Variants in NPAS3 observed in about 807,000 individuals in gnomAD.
NPAS3 encodes the protein neuronal PAS domain-containing protein 3.
Under a neutral mutation model 73.1 loss-of-function variants are expected in NPAS3, and 14 were observed. The observed-to-expected ratio is 0.19, with a 90% CI of 0.13 to 0.30. NPAS3 has a LOEUF of 0.30. NPAS3 is among the 10% of genes least tolerant of loss of function. The pLI is 1.00. For synonymous variants in NPAS3, 620 were observed against 541.5 expected (o/e 1.14, Z -2.01); for missense variants, 1,096 against 1,250.0 (o/e 0.88, Z 1.86).
chr14:33,161,712 G>A (rs1012551774), intron 2 of NPAS3, among the ~76,000 whole-genome samples: 12 of 152,238 alleles, frequency 7.9e-5, no homozygotes, highest in Non-Finnish European at 1.3e-4. Flanking sequence ...CGGTACAGGG[G>A]AGAACTGGAA....
intron 4 of NPAS3, among the ~76,000 whole-genome samples, chr14:33,516,146 T>C (rs148126913): frequency 6.6e-6 from 1 of 152,186 alleles, no homozygotes; most frequent in East Asian, 1.9e-4. Flanking sequence ...TTGCCTAAGG[T>C]TACACAGCTA....
At chr14:33,115,320 A>T (rs2043026350) in intron 2 of NPAS3, among the ~76,000 whole-genome samples, 1 of 152,100 alleles carries the variant, frequency 6.6e-6, no homozygotes, top group Non-Finnish European at 1.5e-5. Context: ...ATTAGGAAGG[A>T]GGTAGGTGCA....
intron 5 of NPAS3, among the ~76,000 whole-genome samples, chr14:33,648,614 C>T (rs2058902448): frequency 6.6e-6 from 1 of 152,148 alleles, no homozygotes; most frequent in African/African-American, 2.4e-5. Context: ...CTTACAGGGA[C>T]AGCACAAAAA....
chr14:33,148,807 C>T (rs532475004), intron 2 of NPAS3, among the ~76,000 whole-genome samples: 11 of 152,218 alleles, frequency 7.2e-5, no homozygotes, highest in African/African-American at 2.2e-4. Flanking sequence ...CCCACCTCAG[C>T]GTCCCAAGTA....
chr14:32,968,090 G>A (rs1015121273), intron 1 of NPAS3, among the ~76,000 whole-genome samples: 1 of 152,114 alleles, frequency 6.6e-6, no homozygotes, highest in South Asian at 2.1e-4. Flanking sequence ...GAGACTAGAG[G>A]GGCAGGGGAT....
At chr14:33,216,876 G>A (rs1489767300) in intron 3 of NPAS3, among the ~76,000 whole-genome samples, 6 of 152,058 alleles carry the variant, frequency 3.9e-5, no homozygotes, top group Admixed American at 3.9e-4. Context: ...GAAAAATAAA[G>A]CAAGGCACAT....
intron 2 of NPAS3, among the ~76,000 whole-genome samples, chr14:33,189,078 G>A (rs143109958): frequency 2.4e-4 from 37 of 152,184 alleles, no homozygotes; most frequent in African/African-American, 4.3e-4. Flanking sequence ...TGAATTTATC[G>A]CCTTTCCAAT....
At chr14:33,551,564 T>G (rs2055116632) in intron 4 of NPAS3, among the ~76,000 whole-genome samples, 1 of 152,184 alleles carries the variant, frequency 6.6e-6, no homozygotes, top group African/African-American at 2.4e-5. Context: ...CACATTGACT[T>G]CTATATAAAA....
chr14:33,564,035 T>A (rs528071924), intron 5 of NPAS3, among the ~76,000 whole-genome samples: 23 of 152,232 alleles, frequency 1.5e-4, no homozygotes, highest in Middle Eastern at 3.4e-3. Flanking sequence ...CTCTCCTCTT[T>A]CCACAAAGGA....
intron 6 of NPAS3, among the ~76,000 whole-genome samples, chr14:33,727,373 C>T (rs2061296573): frequency 6.6e-6 from 1 of 151,936 alleles, no homozygotes. Flanking sequence ...CGCTAAACAG[C>T]CTGAAGGATA....
downstream of NPAS3, chr14:33,801,350 G>C: frequency 4.4e-6 from 3 of 674,558 alleles, no homozygotes; most frequent in Non-Finnish European, 7.1e-6. Context: ...CTTCTTCTAA[G>C]GTGTGTGTTG....
chr14:33,323,143 A>C (rs2043533932), intron 3 of NPAS3, among the ~76,000 whole-genome samples: 1 of 152,186 alleles, frequency 6.6e-6, no homozygotes, highest in Admixed American at 6.6e-5. Context: ...AGAATGCTTT[A>C]CAGCACATCA....
chr14:33,161,946 T>C (rs1012508057), intron 2 of NPAS3, among the ~76,000 whole-genome samples: 1 of 152,180 alleles, frequency 6.6e-6, no homozygotes, highest in Non-Finnish European at 1.5e-5. Flanking sequence ...AGCCAGGTCT[T>C]AGAGCTGAGT....
At chr14:33,270,694 G>C (rs1435664417) in intron 3 of NPAS3, among the ~76,000 whole-genome samples, 2 of 152,180 alleles carry the variant, frequency 1.3e-5, no homozygotes, top group East Asian at 3.9e-4. Context: ...TTAAAGAACA[G>C]CTTTGGTTTT....
At chr14:33,726,029 TTC>T (rs914160560) in intron 6 of NPAS3, among the ~76,000 whole-genome samples, 10 of 152,182 alleles carry the variant, frequency 6.6e-5, no homozygotes, top group East Asian at 3.9e-4. Flanking sequence ...TCACCTCTCC[TTC>T]TCTGTTCCTC....
chr14:33,776,512 T>A (rs1346093570), intron 8 of NPAS3, among the ~76,000 whole-genome samples: 1 of 135,502 alleles, frequency 7.4e-6, no homozygotes, highest in Non-Finnish European at 1.5e-5. Flanking sequence ...TTGGCGTTTT[T>A]CTTCCTCTTA....
At chr14:33,219,601 C>T (rs79562772) in intron 3 of NPAS3, among the ~76,000 whole-genome samples, 3 of 152,138 alleles carry the variant, frequency 2.0e-5, no homozygotes, top group African/African-American at 4.8e-5. Context: ...TTCACTATTT[C>T]GGGCATCTAT....
At chr14:33,174,202 C>A (rs2045502271) in intron 2 of NPAS3, among the ~76,000 whole-genome samples, 1 of 152,140 alleles carries the variant, frequency 6.6e-6, no homozygotes, top group Admixed American at 6.6e-5. Context: ...GGTGCAGATG[C>A]CGTTTAGCCA....
At chr14:33,242,558 TAGTC>T (rs1034533528) in intron 3 of NPAS3, among the ~76,000 whole-genome samples, 17 of 152,092 alleles carry the variant, frequency 1.1e-4, no homozygotes, top group Middle Eastern at 3.2e-3. Flanking sequence ...TCAAATGTCT[TAGTC>T]AGAGTAAGCT....
Sources: gnomAD v4.1 joint callset for allele counts (sites outside exome capture counted in the v4.1 genomes callset) on GRCh38, gnomAD v4.1.1 for gene constraint, MANE v1.5 for transcripts, NCBI Gene and HGNC (gene_info 2026-07-23, HGNC 2026-07-21) for gene names.